The following BNC2 variants were observed in gnomAD, a reference collection of about 807,000 sequenced individuals.
BNC2 encodes zinc finger protein basonuclin-2.
A neutral mutation model predicts 76.3 loss-of-function variants in BNC2; 20 were observed. The ratio of observed to expected loss-of-function variants is 0.26; its 90% CI spans 0.18 to 0.38. The LOEUF is 0.38. Ranked by LOEUF, BNC2 falls within the 10% of genes least tolerant of loss-of-function variation. The pLI is 1.00. For missense variants in BNC2, 1,382 were observed against 1,399.8 expected (o/e 0.99, Z 0.20); for synonymous variants, 582 against 514.8 (o/e 1.13, Z -1.77).
At chr9:16,754,411 C>A (rs1388866388) in intron 1 of BNC2, among the ~76,000 whole-genome samples, 1 of 152,190 alleles carries the variant, frequency 6.6e-6, no homozygotes, top group East Asian at 1.9e-4. Flanking sequence ...AACTTGCAAA[C>A]TGACCTGTCC....
chr9:16,650,531 A>G (rs912419498), intron 3 of BNC2, among the ~76,000 whole-genome samples: 1 of 152,186 alleles, frequency 6.6e-6, no homozygotes, highest in Non-Finnish European at 1.5e-5. Flanking sequence ...TTCACAGTAG[A>G]AAAGATTATT....
At chr9:16,624,130 C>G (rs2133625591) in intron 3 of BNC2, among the ~76,000 whole-genome samples, 1 of 152,296 alleles carries the variant, frequency 6.6e-6, no homozygotes, top group East Asian at 1.9e-4. Context: ...CCAGAAACCA[C>G]TAAAACATTC....
chr9:16,452,903 G>A (rs1821372662), intron 5 of BNC2, among the ~76,000 whole-genome samples: 1 of 152,018 alleles, frequency 6.6e-6, no homozygotes, highest in Non-Finnish European at 1.5e-5. Flanking sequence ...GATGTCTTTA[G>A]GGATCTGGCC....
rs1821817044 is a variant in BNC2 at position 16,471,208 on chromosome 9, G to A, written c.670-33684C>T. Among the ~76,000 whole-genome samples, 3 of 151,880 alleles carry A rather than the reference G, an allele frequency of 2.0e-5. No individual in the cohort carries two copies. In the South Asian group the frequency reaches 6.2e-4, roughly 32 times the overall value. On this transcript the variant is annotated intron_variant, in intron 5 of 6. Coordinates refer to ENST00000380672, the MANE Select transcript of BNC2 (RefSeq NM_017637.6). Reference sequence around the variant, plus strand: ...ATGAACCCTGTAACCCCTCTGTTTTGGCCAATTTCTCCCATTTGGAATGGC... The same window carrying A: ...ATGAACCCTGTAACCCCTCTGTTTTAGCCAATTTCTCCCATTTGGAATGGC...
At chr9:16,817,076 T>C (rs367739363) in intron 1 of BNC2, among the ~76,000 whole-genome samples, 25 of 152,288 alleles carry the variant, frequency 1.6e-4, no homozygotes, top group Non-Finnish European at 2.5e-4. Context: ...CACTTTTCCA[T>C]CTAAAATATC....
At chr9:16,630,453 C>T (rs978082598) in intron 3 of BNC2, among the ~76,000 whole-genome samples, 5 of 152,042 alleles carry the variant, frequency 3.3e-5, no homozygotes, top group African/African-American at 9.7e-5. Flanking sequence ...AAGCAGTGTA[C>T]GCAATATGGT....
At chr9:16,868,683 G>C (rs1046714963) in intron 1 of BNC2, among the ~76,000 whole-genome samples, 9 of 152,122 alleles carry the variant, frequency 5.9e-5, no homozygotes, top group African/African-American at 2.2e-4. Flanking sequence ...TAGCAATCTG[G>C]ACTTTTAATA....
rs773045476 is a variant in BNC2, at chr9:16,436,660, G to A, written c.1534C>T (p.Arg512Trp). Residue 512 changes from arginine (R) to tryptophan (W), a missense_variant, in exon 6 of 7, where the codon CGG (arginine) becomes TGG (tryptophan). Arg to Trp is a moderately radical substitution (Grantham distance 101). This residue lies in a region of BNC2 where 798 missense variants were observed against 775.5 expected (regional missense o/e 1.03). Transcript: ENST00000380672. ...GGGGTGGCAGCTCCTGAGGTGGCCC[G>A]AATTAAATCTTTATCTCGGTTATTC... is the stretch of plus-strand genomic sequence containing the variant. ...LRNNRDKDLI[R>W]ATSGAATPVI... is the part of the protein sequence containing the mutation. 9.9e-6 allele frequency: 16 copies of A among 1,613,946 alleles called. No individual in the cohort carries two copies. The East Asian group carries it at 1.1e-4, about 11-fold the overall frequency.
chr9:16,743,374 A>G (rs1824906316), intron 1 of BNC2, among the ~76,000 whole-genome samples: 1 of 151,902 alleles, frequency 6.6e-6, no homozygotes, highest in Non-Finnish European at 1.5e-5. Flanking sequence ...TCTGTCCAAC[A>G]TTATAAGGCA....
At chr9:16,494,544 C>G (rs1822345500) in intron 5 of BNC2, among the ~76,000 whole-genome samples, 1 of 151,982 alleles carries the variant, frequency 6.6e-6, no homozygotes, top group Non-Finnish European at 1.5e-5. Context: ...ATACAGCAGT[C>G]AGGGCAAGAG....
At chr9:16,819,468 G>C (rs1048414662) in intron 1 of BNC2, among the ~76,000 whole-genome samples, 2 of 152,144 alleles carry the variant, frequency 1.3e-5, no homozygotes, top group East Asian at 1.9e-4. Flanking sequence ...TTCGAGACCA[G>C]CCTGGCCAAC....
intron 5 of BNC2, among the ~76,000 whole-genome samples, chr9:16,551,386 T>C (rs1818658156): frequency 6.6e-6 from 1 of 152,204 alleles, no homozygotes; most frequent in Non-Finnish European, 1.5e-5. Flanking sequence ...TGTGTTCTGA[T>C]GCCAGGTTAA....
chr9:16,728,081 C>A, intron 2 of BNC2, 84 bp from the exon 3 acceptor site: 17 of 1,063,432 alleles, frequency 1.6e-5, no homozygotes, highest in East Asian at 5.0e-5. Flanking sequence ...CTGAACTGTG[C>A]ATTTCATTTG....
chr9:16,494,256 G>T (rs568480524), intron 5 of BNC2, among the ~76,000 whole-genome samples: 5 of 152,144 alleles, frequency 3.3e-5, no homozygotes, highest in South Asian at 4.1e-4. Context: ...AGATTCAAGC[G>T]ATTCTCCTGT....
intron 1 of BNC2, among the ~76,000 whole-genome samples, chr9:16,868,799 T>C (rs559155278): frequency 7.2e-5 from 11 of 152,122 alleles, no homozygotes; most frequent in Non-Finnish European, 1.5e-4. Context: ...AGGGATTGTG[T>C]GTGTGTGTGT....
At chr9:16,519,484 G>C (rs1817549376) in intron 5 of BNC2, among the ~76,000 whole-genome samples, 1 of 152,182 alleles carries the variant, frequency 6.6e-6, no homozygotes, top group Non-Finnish European at 1.5e-5. Flanking sequence ...TTCTGGGAGA[G>C]TTTCTCATTT....
At chr9:16,850,340 A>AT (rs1303535157) in intron 1 of BNC2, among the ~76,000 whole-genome samples, 4 of 152,226 alleles carry the variant, frequency 2.6e-5, no homozygotes, top group Non-Finnish European at 1.5e-5. Context: ...GCATGAATCT[A>AT]TAAGTGCACA....
intron 4 of BNC2, among the ~76,000 whole-genome samples, chr9:16,563,575 G>C (rs1397259873): frequency 6.6e-6 from 1 of 152,102 alleles, no homozygotes; most frequent in Non-Finnish European, 1.5e-5. Flanking sequence ...CAATTTCTTA[G>C]CTTTTAGCAA....
chr9:16,587,199 CTTTTT>C, intron 3 of BNC2, among the ~76,000 whole-genome samples: 1 of 137,636 alleles, frequency 7.3e-6, no homozygotes, highest in East Asian at 2.2e-4. Flanking sequence ...GACTAGGAAT[CTTTTT>C]TTTTTTTTTT....
Sources: gnomAD v4.1 joint callset for allele counts (sites outside exome capture counted in the v4.1 genomes callset) on GRCh38, gnomAD v4.1.1 for gene constraint, gnomAD v4.1.1 regional missense constraint, MANE v1.5 for transcripts, NCBI Gene and HGNC (gene_info 2026-07-23, HGNC 2026-07-21) for gene names.